Variants in TYW1 observed in about 807,000 individuals in gnomAD.
The protein encoded by TYW1 is tRNA-yW synthesizing protein 1 homolog.
TYW1 carries 46 observed loss-of-function variants against 96.2 expected under a neutral mutation model. The ratio of observed to expected loss-of-function variants is 0.48; its 90% CI spans 0.38 to 0.61. The LOEUF (loss-of-function observed/expected upper bound fraction) is 0.61, where lower values mean the gene tolerates loss of function less well. Among genes scored for constraint, TYW1 ranks in the 20% least tolerant of loss-of-function variants. The pLI is 0.00. For synonymous variants in TYW1, 274 were observed against 323.0 expected (o/e 0.85, Z 1.63); for missense variants, 684 against 909.6 (o/e 0.75, Z 3.19).
At chr7:67,161,167 A>G (rs1799154386) in intron 13 of TYW1, among the ~76,000 whole-genome samples, 1 of 152,152 alleles carries the variant, frequency 6.6e-6, no homozygotes, top group African/African-American at 2.4e-5. Flanking sequence ...AATACATGCT[A>G]TGTTCTTCAA....
intron 9 of TYW1, among the ~76,000 whole-genome samples, chr7:67,056,629 CTT>C (rs1016591703): frequency 6.6e-6 from 1 of 152,004 alleles, no homozygotes; most frequent in African/African-American, 2.4e-5. Flanking sequence ...AGTTCATTCA[CTT>C]TTATTGCTCA....
intron 13 of TYW1, among the ~76,000 whole-genome samples, chr7:67,134,689 T>C (rs1798188045): frequency 6.6e-6 from 1 of 151,492 alleles, no homozygotes. Flanking sequence ...AGGTAGCCAT[T>C]CTTCATTCTG....
At chr7:67,167,105 TAAG>T (rs1417292464) in intron 13 of TYW1, among the ~76,000 whole-genome samples, 1 of 152,200 alleles carries the variant, frequency 6.6e-6, no homozygotes, top group Non-Finnish European at 1.5e-5. Context: ...TGACTTTTGA[TAAG>T]AAGTAGCCAA....
chr7:67,168,900 C>T (rs1244155825), intron 13 of TYW1, among the ~76,000 whole-genome samples: 1 of 151,972 alleles, frequency 6.6e-6, no homozygotes, highest in Admixed American at 6.6e-5. Flanking sequence ...TTAGTAAAGA[C>T]GAGGTTTCAC....
At chr7:67,098,958 T>C (rs1411840163) in intron 12 of TYW1, among the ~76,000 whole-genome samples, 1 of 151,992 alleles carries the variant, frequency 6.6e-6, no homozygotes, top group African/African-American at 2.4e-5. Context: ...AGAATGAATT[T>C]TTTTTTTCCA....
intron 15 of TYW1, among the ~76,000 whole-genome samples, chr7:67,217,714 G>A (rs891857293): frequency 2.0e-5 from 3 of 151,924 alleles, no homozygotes; most frequent in Non-Finnish European, 2.9e-5. Flanking sequence ...TCTCAAGATT[G>A]TTTTGGCTAT....
At chr7:67,113,449 G>A (rs181069137) in intron 12 of TYW1, among the ~76,000 whole-genome samples, 43 of 152,168 alleles carry the variant, frequency 2.8e-4, no homozygotes, top group Admixed American at 2.6e-3. Context: ...CAGATCATCC[G>A]TATTCTCTTG....
intron 15 of TYW1, among the ~76,000 whole-genome samples, chr7:67,231,246 C>T (rs1004700827): frequency 5.9e-5 from 9 of 152,324 alleles, no homozygotes; most frequent in East Asian, 3.9e-4. Flanking sequence ...TATATTGCCT[C>T]GCAGACTTTC....
In TYW1 at chr7:66,997,440, G is replaced by C. The variant is rs1316533008; in HGVS notation, c.4+458G>C. ...TTTTACTACTTAAGCTTTTTTTATG[G>C]AGCAAGCACAACAAAACAAAATTAA... On this transcript the variant is annotated intron_variant, in intron 1 of 15. Coordinates refer to ENST00000359626, the MANE Select transcript of TYW1 (RefSeq NM_018264.4). Among the ~76,000 whole-genome samples the C allele has an allele frequency of 2.0e-5, 3 of 152,220 alleles. No individual in the cohort carries two copies. The East Asian group carries it at 5.8e-4, about 29-fold the overall frequency.
chr7:67,100,499 C>A (rs1364614124), intron 12 of TYW1, among the ~76,000 whole-genome samples: 1 of 151,464 alleles, frequency 6.6e-6, no homozygotes, highest in Non-Finnish European at 1.5e-5. Flanking sequence ...AAAAAAAGAT[C>A]TTTTTGAATT....
intron 6 of TYW1, among the ~76,000 whole-genome samples, chr7:67,020,563 A>C (rs1794216613): frequency 6.6e-6 from 1 of 152,232 alleles, no homozygotes; most frequent in Non-Finnish European, 1.5e-5. Context: ...TACAAATCAG[A>C]CCATGTTAAC....
intron 13 of TYW1, among the ~76,000 whole-genome samples, chr7:67,156,447 T>C (rs1272970186): frequency 1.3e-5 from 2 of 152,230 alleles, no homozygotes; most frequent in African/African-American, 2.4e-5. Context: ...TGCAGGTACA[T>C]TGGCAGCCCT....
Position 67,238,875 on chromosome 7 carries a change from G to A in TYW1, c.*346G>A, listed in dbSNP as rs1801976971. 1.7e-5 allele frequency: 19 copies of A among 1,095,482 alleles called. No individual in the cohort carries two copies. Among genetic ancestry groups the A allele is most frequent in the African/African-American group, 3.2e-5 (2 of 61,644 alleles). 67.9% of individuals were successfully genotyped at this position (1,095,482 alleles called of 1,614,324 possible). On this transcript the variant is annotated 3_prime_UTR_variant, in exon 16 of 16. Coordinates refer to ENST00000359626, the MANE Select transcript of TYW1 (RefSeq NM_018264.4). ...TGCTAGTCCCGAGAGTGTCAGACAA[G>A]GAAGAAGTCCCTGGGCCTCTTCCCC...
intron 13 of TYW1, among the ~76,000 whole-genome samples, chr7:67,159,274 A>G (rs1563047319): frequency 6.6e-6 from 1 of 152,162 alleles, no homozygotes; most frequent in African/African-American, 2.4e-5. Context: ...ACACCTTTGC[A>G]CATATTTCTG....
At chr7:67,071,088 G>A (rs1205298219) in intron 10 of TYW1, among the ~76,000 whole-genome samples, 7 of 151,350 alleles carry the variant, frequency 4.6e-5, no homozygotes, top group African/African-American at 9.7e-5. Flanking sequence ...CCTAGATCGC[G>A]CCACTGCACT....
intron 13 of TYW1, among the ~76,000 whole-genome samples, chr7:67,176,407 C>T (rs1489930626): frequency 6.6e-6 from 1 of 152,116 alleles, no homozygotes; most frequent in Admixed American, 6.5e-5. Context: ...TGAATTGAGC[C>T]GTGCTGTGCA....
At position 67,127,311 on chromosome 7, in the gene TYW1, A is replaced by G. The variant is rs576176843; in HGVS notation, c.1698+9693A>G. 6.6e-5 allele frequency among the ~76,000 whole-genome samples: 10 copies of G among 152,036 alleles called. No individual in the cohort carries two copies. In the East Asian group the frequency reaches 1.9e-3, roughly 29 times the overall value. ...GTAGCAGGGATTACAGGCGCTCACC[A>G]TTACACTTGGCTAATTTTTTTAATC... On this transcript the variant is annotated intron_variant, in intron 13 of 15. Transcript: ENST00000359626.
At chr7:67,111,460 C>T (rs1466357932) in intron 12 of TYW1, among the ~76,000 whole-genome samples, 2 of 152,118 alleles carry the variant, frequency 1.3e-5, no homozygotes, top group East Asian at 3.9e-4. Context: ...CTCGCCCTCC[C>T]AAAGTGGTGG....
intron 12 of TYW1, among the ~76,000 whole-genome samples, chr7:67,108,657 G>C (rs1173884407): frequency 6.6e-6 from 1 of 151,742 alleles, no homozygotes; most frequent in South Asian, 2.1e-4. Flanking sequence ...GGCCAGGCTG[G>C]TCTCGAACTC....
Sources: allele counts gnomAD v4.1 joint callset (sites outside exome capture counted in the v4.1 genomes callset), GRCh38; gene constraint gnomAD v4.1.1; transcripts MANE v1.5; gene names NCBI Gene and HGNC (gene_info 2026-07-23, HGNC 2026-07-21).